The following MLLT10 variants were observed in gnomAD, a reference collection of about 807,000 sequenced individuals.
MLLT10 encodes MLLT10 histone lysine methyltransferase DOT1L cofactor.
A neutral mutation model predicts 129.1 loss-of-function variants in MLLT10; 30 were observed. That is an observed-to-expected ratio of 0.23 (90% confidence interval 0.17 to 0.32). The LOEUF is 0.32. MLLT10 is among the 10% of genes least tolerant of loss of function. The pLI is 1.00. For synonymous variants in MLLT10, 490 were observed against 446.4 expected (o/e 1.10, Z -1.23); for missense variants, 1,119 against 1,268.3 (o/e 0.88, Z 1.79).
chr10:21,607,464 G>A (rs1198179008), intron 5 of MLLT10, among the ~76,000 whole-genome samples: 1 of 151,754 alleles, frequency 6.6e-6, no homozygotes, highest in African/African-American at 2.4e-5. Context: ...GGGATTACAG[G>A]CATGCGTCAC....
chr10:21,671,417 A>T (rs1386679568), intron 10 of MLLT10, among the ~76,000 whole-genome samples: 1 of 152,120 alleles, frequency 6.6e-6, no homozygotes, highest in Non-Finnish European at 1.5e-5. Context: ...GCAGTTTGGG[A>T]TGCTGAGGTG....
chr10:21,693,905 T>C (rs2054119222), intron 13 of MLLT10, among the ~76,000 whole-genome samples: 1 of 152,210 alleles, frequency 6.6e-6, no homozygotes, highest in Non-Finnish European at 1.5e-5. Context: ...ATTAGACTAT[T>C]GAGTGAAGAA....
chr10:21,549,122 CTT>C (rs5783779), intron 3 of MLLT10, among the ~76,000 whole-genome samples: 3,739 of 130,296 alleles, frequency 0.029, 170 homozygotes, highest in African/African-American at 0.097. Context: ...GAGCTTATTC[CTT>C]TTTTTTTTTT....
At chr10:21,656,191 A>G (rs2049573407) in intron 9 of MLLT10, among the ~76,000 whole-genome samples, 1 of 152,090 alleles carries the variant, frequency 6.6e-6, no homozygotes, top group Non-Finnish European at 1.5e-5. Context: ...GAACGGTGTC[A>G]TTTTACATTG....
chr10:21,546,647 A>AGCCTCT (rs2036125468), intron 3 of MLLT10, among the ~76,000 whole-genome samples: 1 of 150,236 alleles, frequency 6.7e-6, no homozygotes, highest in Non-Finnish European at 1.5e-5. Context: ...AGCTCACTGC[A>AGCCTCT]GCCTCTGCCT....
Position 21,554,654 on chromosome 10 carries a change from GTT to G in MLLT10, c.240+15744_240+15745del, listed in dbSNP as rs1335114283. On this transcript the variant is annotated intron_variant, in intron 3 of 22. Coordinates refer to ENST00000307729, the MANE Select transcript of MLLT10 (RefSeq NM_001195626.3). ...TTTTTTGTATTTTGGTAGAGATGAGGTTTCACCATGTTGGCCAAGATGGTCTC... is the reference window on the plus strand; with the variant it reads ...TTTTTTGTATTTTGGTAGAGATGAGGTCACCATGTTGGCCAAGATGGTCTC... 9.9e-5 allele frequency among the ~76,000 whole-genome samples: 15 copies of G among 151,094 alleles called. 1 individual carries two copies. The highest frequency in any genetic ancestry group is 3.7e-4 in the African/African-American group (15 of 41,090).
chr10:21,571,315 A>G lies in MLLT10; in HGVS notation c.241-14979A>G, dbSNP rs560487394. Among the ~76,000 whole-genome samples the G allele has an allele frequency of 4.6e-5, 7 of 151,594 alleles. No homozygotes were observed. The East Asian group carries it at 1.4e-3, about 30-fold the overall frequency. On this transcript the variant is annotated intron_variant, in intron 3 of 22. Coordinates refer to ENST00000307729, the MANE Select transcript of MLLT10 (RefSeq NM_001195626.3). ...AGGGTGAGCCTTTGTAGATCTCTTC[A>G]TTTCTCTCTCTCTCTCCAGCTCTCT...
intron 3 of MLLT10, among the ~76,000 whole-genome samples, chr10:21,575,397 A>C (rs2040628641): frequency 6.6e-6 from 1 of 152,186 alleles, no homozygotes; most frequent in Non-Finnish European, 1.5e-5. Flanking sequence ...GAGTTTCATC[A>C]TGTAGGCCAG....
At chr10:21,542,250 A>T (rs1263442753) in intron 3 of MLLT10, among the ~76,000 whole-genome samples, 4 of 152,164 alleles carry the variant, frequency 2.6e-5, no homozygotes, top group African/African-American at 9.7e-5. Context: ...TCAAAGTGTC[A>T]GTGTGAATAA....
Position 21,595,410 on chromosome 10 carries a change from A to G in MLLT10, c.375A>G (p.Leu125=). The G allele has an allele frequency of 6.2e-7, 1 of 1,613,390 alleles. No homozygotes were observed. The highest frequency in any genetic ancestry group is 8.5e-7 in the Non-Finnish European group (1 of 1,179,532). The part of the protein sequence containing the change: ...ANVSTMEPIV[L]QSVPHDRYNK... ...TTTCCACAATGGAACCAATTGTTTT[A>G]CAGTCTGTTCCGCATGATCGTTATA... Residue 125 remains leucine (L), a synonymous_variant, in exon 5 of 23, where the codon TTA becomes TTG. Transcript: ENST00000307729.
In MLLT10 at chr10:21,534,826, G is replaced by A. The variant is rs765552629; in HGVS notation, c.160+22G>A. ...CAAGGTAAACACCCAACCGCCCGCC[G>A]GGGCGCGCCGGCCTGCGCCCAACGG... On this transcript the variant is annotated intron_variant, in intron 2 of 22. Transcript: ENST00000307729. 63 of 1,562,836 alleles carry A rather than the reference G, an allele frequency of 4.0e-5. 1 individual carries two copies. In the South Asian group the frequency reaches 6.0e-4, roughly 15 times the overall value.
chr10:21,738,027 T>C (rs2058517065), intron 21 of MLLT10, among the ~76,000 whole-genome samples: 1 of 152,044 alleles, frequency 6.6e-6, no homozygotes, highest in Admixed American at 6.6e-5. Context: ...CCCAGCACTT[T>C]GGGAGACGGA....
chr10:21,588,826 CTT>C (rs1187261721), intron 4 of MLLT10, among the ~76,000 whole-genome samples: 36 of 136,930 alleles, frequency 2.6e-4, no homozygotes, highest in Non-Finnish European at 3.2e-4. Context: ...TGATCTTTTT[CTT>C]TTTTTTTTTT....
At chr10:21,718,699 A>C (rs1343145443) in intron 14 of MLLT10, among the ~76,000 whole-genome samples, 1 of 152,150 alleles carries the variant, frequency 6.6e-6, no homozygotes, top group Non-Finnish European at 1.5e-5. Context: ...GGAAATGCAG[A>C]TATTTCGTGT....
chr10:21,706,223 A>T (rs2055480033), intron 13 of MLLT10, among the ~76,000 whole-genome samples: 1 of 152,208 alleles, frequency 6.6e-6, no homozygotes, highest in African/African-American at 2.4e-5. Context: ...AATTCATAAT[A>T]ATGAATTCAT....
chr10:21,639,692 G>A (rs1215469980), intron 8 of MLLT10, among the ~76,000 whole-genome samples: 1 of 152,024 alleles, frequency 6.6e-6, no homozygotes, highest in African/African-American at 2.4e-5. Flanking sequence ...GACTGAGTAG[G>A]GAAACCCAAG....
intron 9 of MLLT10, among the ~76,000 whole-genome samples, chr10:21,657,713 A>G (rs2049753215): frequency 6.6e-6 from 1 of 152,178 alleles, no homozygotes; most frequent in African/African-American, 2.4e-5. Context: ...TGCACCAGAG[A>G]TACGTGATCA....
chr10:21,551,167 C>T (rs925625053), intron 3 of MLLT10, among the ~76,000 whole-genome samples: 24 of 151,256 alleles, frequency 1.6e-4, no homozygotes, highest in African/African-American at 3.6e-4. Context: ...CCTCATGATC[C>T]GCCTGCCTCG....
At chr10:21,568,236 C>G (rs1346356346) in intron 3 of MLLT10, among the ~76,000 whole-genome samples, 3 of 152,222 alleles carry the variant, frequency 2.0e-5, no homozygotes, top group African/African-American at 7.2e-5. Flanking sequence ...GAATTTACTG[C>G]TATATTGTGC....
Sources: gnomAD v4.1 joint callset for allele counts (sites outside exome capture counted in the v4.1 genomes callset) on GRCh38, gnomAD v4.1.1 for gene constraint, MANE v1.5 for transcripts, NCBI Gene and HGNC (gene_info 2026-07-23, HGNC 2026-07-21) for gene names.